Variants in ARHGAP22 observed in about 807,000 individuals in gnomAD.
ARHGAP22 encodes the protein Rho GTPase activating protein 22, also known as rho GTPase-activating protein 22.
ARHGAP22 carries 48 observed loss-of-function variants against 59.1 expected under a neutral mutation model. That is an observed-to-expected ratio of 0.81 (90% CI 0.64 to 1.03). ARHGAP22 has a LOEUF of 1.03. ARHGAP22 is among the 50% of genes least tolerant of loss of function. The probability of loss-of-function intolerance (pLI) is 0.00; values close to 1 mark genes in which losing one functional copy is unlikely to be tolerated. For synonymous variants in ARHGAP22, 445 were observed against 416.4 expected (o/e 1.07, Z -0.84); for missense variants, 1,015 against 958.7 (o/e 1.06, Z -0.78).
chr10:48,626,498 C>T (rs576748247), intron 1 of ARHGAP22, among the ~76,000 whole-genome samples: 24 of 152,284 alleles, frequency 1.6e-4, no homozygotes, highest in African/African-American at 5.3e-4. Flanking sequence ...TAAGCATTTG[C>T]CTTCAGAATT....
intron 2 of ARHGAP22, among the ~76,000 whole-genome samples, chr10:48,565,733 AT>A (rs1219749856): frequency 1.3e-5 from 2 of 152,220 alleles, no homozygotes; most frequent in African/African-American, 4.8e-5. Context: ...TCACTGGGCC[AT>A]CTGAGATAGA....
intron 5 of ARHGAP22, 97 bp downstream of exon 5, chr10:48,459,587 T>C (rs563234003): frequency 7.1e-7 from 1 of 1,403,220 alleles, no homozygotes; most frequent in Non-Finnish European, 1.0e-6. Flanking sequence ...ATCCTGTCGC[T>C]AGCCCACCCC....
intron 4 of ARHGAP22, among the ~76,000 whole-genome samples, chr10:48,461,966 A>T (rs2047174981): frequency 1.3e-5 from 2 of 152,240 alleles, no homozygotes; most frequent in African/African-American, 4.8e-5. Context: ...TGCCTGGCAC[A>T]GAGCAGAACA....
intron 1 of ARHGAP22, 83 bp downstream of exon 1, chr10:48,604,680 G>T (rs921250423): frequency 6.2e-7 from 1 of 1,606,656 alleles, no homozygotes; most frequent in African/African-American, 1.3e-5. Context: ...GTGACACATG[G>T]CGTGACGGCT....
chr10:48,592,470 C>A (rs1301512373), intron 1 of ARHGAP22, among the ~76,000 whole-genome samples: 1 of 152,204 alleles, frequency 6.6e-6, no homozygotes, highest in African/African-American at 2.4e-5. Context: ...TGAGGCTGAT[C>A]CATCCCAGTC....
chr10:48,630,095 CT>C (rs77798949), intron 1 of ARHGAP22, among the ~76,000 whole-genome samples: 7 of 151,806 alleles, frequency 4.6e-5, no homozygotes, highest in Admixed American at 2.6e-4. Flanking sequence ...AAAGAAGTGA[CT>C]TTTTTTTCTT....
At chr10:48,436,178 CATATATAGG>C in the ARHGAP22 span, 1 of 152,200 alleles carries the variant, frequency 6.6e-6, no homozygotes, top group Non-Finnish European at 1.5e-5. Flanking sequence ...AGCACACAGC[CATATATAGG>C]ATATCATTTT....
At chr10:48,435,216 A>G in the ARHGAP22 span, 1 of 468,640 alleles carries the variant, frequency 2.1e-6, no homozygotes, top group African/African-American at 2.0e-5. Flanking sequence ...TTGTGTTTCA[A>G]AACAGCAACA....
At chr10:48,479,333 G>A (rs541071658) in intron 4 of ARHGAP22, 4 of 494,110 alleles carry the variant, frequency 8.1e-6, no homozygotes, top group East Asian at 3.7e-5. Flanking sequence ...CCCTCCCACA[G>A]AGAATGGAGA....
chr10:48,521,279 G>A (rs775364222), intron 3 of ARHGAP22, among the ~76,000 whole-genome samples: 8 of 152,084 alleles, frequency 5.3e-5, no homozygotes, highest in African/African-American at 1.9e-4. Flanking sequence ...ATCCCTTCCC[G>A]GACCCACTGT....
chr10:48,450,272 C>T lies in ARHGAP22; in HGVS notation c.1857G>A (p.Arg619=), dbSNP rs2045778531. 1 of 1,609,822 alleles carries T rather than the reference C, an allele frequency of 6.2e-7. No homozygotes were observed. ...GGGCAGCAAGTTACCTTTTCACACT[C>T]CTCTCGTACTCAGTCCGCTGGCGGC... ...ELCRQRTEYE[R]SVKRIEEGSA... The change falls in exon 9 of 10, where the codon AGG becomes AGA. Residue 619 remains arginine (R), a synonymous_variant. Transcript: ENST00000249601.
At chr10:48,575,188 C>G (rs1288117521) in intron 2 of ARHGAP22, 2 of 152,148 alleles carry the variant, frequency 1.3e-5, no homozygotes, top group Admixed American at 1.3e-4. Context: ...TGAGGCATCT[C>G]CAGAAGCTGA....
At chr10:48,633,205 T>C (rs993406841) in intron 1 of ARHGAP22, among the ~76,000 whole-genome samples, 26 of 152,350 alleles carry the variant, frequency 1.7e-4, no homozygotes, top group African/African-American at 6.3e-4. Context: ...TTTGAGATCA[T>C]TTCCCAGGCC....
intron 3 of ARHGAP22, among the ~76,000 whole-genome samples, chr10:48,494,144 G>A (rs1039135230): frequency 2.4e-4 from 36 of 150,736 alleles, no homozygotes; most frequent in South Asian, 4.3e-4. Context: ...AAGCACCTCC[G>A]TATCCTCTAA....
At chr10:48,524,987 C>T (rs571464288) in intron 3 of ARHGAP22, among the ~76,000 whole-genome samples, 1 of 152,258 alleles carries the variant, frequency 6.6e-6, no homozygotes, top group African/African-American at 2.4e-5. Context: ...ACTTAGAACC[C>T]AAGTGGCCTG....
At chr10:48,462,876 G>A (rs1311700183) in intron 4 of ARHGAP22, among the ~76,000 whole-genome samples, 2 of 152,184 alleles carry the variant, frequency 1.3e-5, no homozygotes, top group Non-Finnish European at 2.9e-5. Flanking sequence ...CACTGACAGC[G>A]TCCTGGCCTT....
rs75381912 is a variant in ARHGAP22, at chr10:48,450,909, G to A, written c.1220C>T (p.Thr407Ile). The change falls in exon 9 of 10, where the codon ACA (threonine) becomes ATA (isoleucine). Residue 407 changes from threonine to isoleucine, a missense_variant. Physicochemically the swap from Thr to Ile is moderately conservative, Grantham distance 89 (BLOSUM62 -1). Coordinates refer to ENST00000249601, the MANE Select transcript of ARHGAP22 (RefSeq NM_021226.4). ...DGAAVAVLSR[T>I]APTGPGSRCS... ...CCGGCTCCCCGGCCCCGTGGGGGCTGTTCTGGAGAGCACCGCCACGGCCGC... is the reference window on the plus strand; with the variant it reads ...CCGGCTCCCCGGCCCCGTGGGGGCTATTCTGGAGAGCACCGCCACGGCCGC... 1.3e-5 allele frequency: 20 copies of A among 1,598,882 alleles called. No homozygotes were observed. Among genetic ancestry groups the A allele is most frequent in the Non-Finnish European group, 1.2e-5 (14 of 1,173,776 alleles).
intron 1 of ARHGAP22, among the ~76,000 whole-genome samples, chr10:48,635,382 AG>A (rs1370094355): frequency 3.3e-5 from 5 of 152,250 alleles, no homozygotes; most frequent in Non-Finnish European, 5.9e-5. Context: ...AACTTGTCCC[AG>A]CCCCTTGGCC....
chr10:48,637,283 T>C (rs994325120), intron 1 of ARHGAP22, among the ~76,000 whole-genome samples: 3 of 152,166 alleles, frequency 2.0e-5, no homozygotes, highest in Non-Finnish European at 4.4e-5. Context: ...ACAATAGGTG[T>C]CATTCATCAC....
Sources: allele counts gnomAD v4.1 joint callset (sites outside exome capture counted in the v4.1 genomes callset), GRCh38; gene constraint gnomAD v4.1.1; transcripts MANE v1.5; gene names NCBI Gene and HGNC (gene_info 2026-07-23, HGNC 2026-07-21).